Variants in CALCRL observed in about 807,000 individuals in gnomAD.
The protein encoded by CALCRL is calcitonin gene-related peptide type 1 receptor.
CALCRL carries 27 observed loss-of-function variants against 60.4 expected under a neutral mutation model. The ratio of observed to expected loss-of-function variants is 0.45; its 90% CI spans 0.33 to 0.62. The LOEUF (loss-of-function observed/expected upper bound fraction) is 0.62, where lower values mean the gene tolerates loss of function less well. Among genes scored for constraint, CALCRL ranks in the 20% least tolerant of loss-of-function variants. The pLI, the probability that CALCRL is intolerant of heterozygous loss-of-function variation, is 0.03. For synonymous variants in CALCRL, 190 were observed against 182.6 expected, an observed-to-expected ratio of 1.04 and a Z score of -0.33; for missense variants, 424 against 540.7, an observed-to-expected ratio of 0.78 and a Z score of 2.14.
intron 1 of CALCRL, among the ~76,000 whole-genome samples, chr2:187,437,116 T>C (rs1028714022): frequency 2.6e-5 from 4 of 152,218 alleles, no homozygotes; most frequent in South Asian, 2.1e-4. Flanking sequence ...AGCCTTCACA[T>C]TGCATTTGTA....
chr2:187,420,808 A>G (rs1689839874), intron 1 of CALCRL, among the ~76,000 whole-genome samples: 1 of 152,194 alleles, frequency 6.6e-6, no homozygotes, highest in Admixed American at 6.5e-5. Flanking sequence ...GTAATAATCC[A>G]TATCTAGAGT....
intron 1 of CALCRL, among the ~76,000 whole-genome samples, chr2:187,437,007 G>A (rs1690672889): frequency 6.6e-6 from 1 of 152,004 alleles, no homozygotes; most frequent in Non-Finnish European, 1.5e-5. Context: ...TTCTTTAGTT[G>A]AGAATTTTGT....
intron 14 of CALCRL, among the ~76,000 whole-genome samples, chr2:187,349,469 G>C (rs1281164355): frequency 6.6e-6 from 1 of 151,616 alleles, no homozygotes; most frequent in African/African-American, 2.4e-5. Flanking sequence ...AAATGAATTT[G>C]GCAGTTGTTT....
At chr2:187,446,733 T>C (rs753983895) in intron 1 of CALCRL, among the ~76,000 whole-genome samples, 2 of 151,692 alleles carry the variant, frequency 1.3e-5, no homozygotes, top group African/African-American at 4.8e-5. Flanking sequence ...CAACTGAAGA[T>C]TGAAAAGAGA....
At position 187,412,833 on chromosome 2, in the gene CALCRL, T is replaced by C. The variant is rs375619037; in HGVS notation, c.-292-25077A>G. ...ACATCTCAAAATATTTGTCCTTTGGTGACTAATTCCACATATATCAATAAC... is the reference window on the plus strand; with the variant it reads ...ACATCTCAAAATATTTGTCCTTTGGCGACTAATTCCACATATATCAATAAC... On this transcript the variant is annotated intron_variant, in intron 1 of 14. Transcript: ENST00000392370. Among the ~76,000 whole-genome samples the C allele has an allele frequency of 2.7e-3, 408 of 152,318 alleles. 4 individuals carry two copies. Among genetic ancestry groups the C allele is most frequent in the African/African-American group, 9.3e-3 (386 of 41,584 alleles).
chr2:187,445,652 C>T (rs1020735919), intron 1 of CALCRL, among the ~76,000 whole-genome samples: 1 of 151,382 alleles, frequency 6.6e-6, no homozygotes, highest in African/African-American at 2.4e-5. Flanking sequence ...TTATCAAATA[C>T]TTTGTCCACA....
chr2:187,368,378 CTCAA>C (rs1215653122), intron 8 of CALCRL, among the ~76,000 whole-genome samples: 2 of 151,996 alleles, frequency 1.3e-5, no homozygotes, highest in Admixed American at 6.6e-5. Flanking sequence ...TTTTAAGTAA[CTCAA>C]TCAAACAGAA....
At chr2:187,431,522 G>A (rs1157860832) in intron 1 of CALCRL, among the ~76,000 whole-genome samples, 3 of 152,034 alleles carry the variant, frequency 2.0e-5, no homozygotes, top group Non-Finnish European at 4.4e-5. Context: ...AAGTTGGGAG[G>A]AGACATACCA....
At chr2:187,423,609 T>TTG (rs754996440) in intron 1 of CALCRL, among the ~76,000 whole-genome samples, 15 of 152,002 alleles carry the variant, frequency 9.9e-5, no homozygotes, top group Non-Finnish European at 2.1e-4. Context: ...TATTTTGCAA[T>TTG]TGTGTGTGTG....
At chr2:187,382,850 A>C (rs1004473576) in intron 5 of CALCRL, among the ~76,000 whole-genome samples, 2 of 152,108 alleles carry the variant, frequency 1.3e-5, no homozygotes, top group Admixed American at 1.3e-4. Flanking sequence ...AAAAAGAAAT[A>C]CACAATTACA....
At position 187,342,788 on chromosome 2, in the gene CALCRL, A is replaced by G. The variant is rs575951170; in HGVS notation, c.*3396T>C. On this transcript the variant is annotated 3_prime_UTR_variant, in exon 15 of 15. Transcript: ENST00000392370. ...ATTTCAACATTTTTAATATTCTCATATAGTGTGATATTTTGAATTCTCCTT... is the reference window on the plus strand; with the variant it reads ...ATTTCAACATTTTTAATATTCTCATGTAGTGTGATATTTTGAATTCTCCTT... Among the ~76,000 whole-genome samples, 1 of 151,608 alleles carries G rather than the reference A, an allele frequency of 6.6e-6. No homozygotes were observed. The highest frequency in any genetic ancestry group is 1.5e-5 in the Non-Finnish European group (1 of 67,622).
At position 187,422,201 on chromosome 2, in the gene CALCRL, T is replaced by C. The variant is rs116557910; in HGVS notation, c.-293+25838A>G. Among the ~76,000 whole-genome samples the C allele has an allele frequency of 3.9e-3, 590 of 152,268 alleles. 6 individuals are homozygous for C. Among genetic ancestry groups the C allele is most frequent in the African/African-American group, 0.013 (558 of 41,552 alleles). On this transcript the variant is annotated intron_variant, in intron 1 of 14. Coordinates refer to ENST00000392370, the MANE Select transcript of CALCRL (RefSeq NM_005795.6). Reference sequence around the variant, plus strand: ...ATAAAAAATTAGTGTTTCTAGAAAATAGATATTTATATCTGTGTTCAGGCA... The same window carrying C: ...ATAAAAAATTAGTGTTTCTAGAAAACAGATATTTATATCTGTGTTCAGGCA...
intron 1 of CALCRL, among the ~76,000 whole-genome samples, chr2:187,402,430 T>TGTGA (rs141943814): frequency 0.027 from 4,085 of 151,688 alleles, 94 homozygotes; most frequent in African/African-American, 0.055. Context: ...AGTGTGTGTG[T>TGTGA]GTGTGTATGT....
At chr2:187,411,367 T>C (rs1689350818) in intron 1 of CALCRL, among the ~76,000 whole-genome samples, 1 of 152,162 alleles carries the variant, frequency 6.6e-6, no homozygotes, top group South Asian at 2.1e-4. Flanking sequence ...CTGCTACACC[T>C]AAAGAGTTTT....
At chr2:187,365,763 C>A (rs1374549601) in intron 8 of CALCRL, among the ~76,000 whole-genome samples, 1 of 152,114 alleles carries the variant, frequency 6.6e-6, no homozygotes. Context: ...ACGGATGCAA[C>A]TGGAGGACAC....
intron 1 of CALCRL, among the ~76,000 whole-genome samples, chr2:187,420,811 T>C (rs1689840075): frequency 6.6e-6 from 1 of 152,170 alleles, no homozygotes; most frequent in African/African-American, 2.4e-5. Flanking sequence ...ATAATCCATA[T>C]CTAGAGTTTT....
At chr2:187,413,476 C>T (rs17464221) in intron 1 of CALCRL, among the ~76,000 whole-genome samples, 34,152 of 151,962 alleles carry the variant, frequency 0.22, 4,837 homozygotes, top group Middle Eastern at 0.4. Context: ...TCTTCCCTCC[C>T]ATATGAGAAA....
In CALCRL at chr2:187,394,409, T is replaced by C. The variant is rs570270330; in HGVS notation, c.-292-6653A>G. Among the ~76,000 whole-genome samples the C allele has an allele frequency of 2.6e-5, 4 of 152,216 alleles. No homozygotes were observed. The South Asian group carries it at 8.3e-4, about 32-fold the overall frequency. ...AGAACTGACCAATAGAACTGTGAGA[T>C]AGATAGTAAATAAATGTTGTTTTAA... On this transcript the variant is annotated intron_variant, in intron 1 of 14. Coordinates refer to ENST00000392370, the MANE Select transcript of CALCRL (RefSeq NM_005795.6).
At chr2:187,372,516 G>A (rs1288510920) in intron 8 of CALCRL, among the ~76,000 whole-genome samples, 1 of 151,876 alleles carries the variant, frequency 6.6e-6, no homozygotes, top group Non-Finnish European at 1.5e-5. Flanking sequence ...AAGTATATCT[G>A]GTGAATACTG....
Sources: gnomAD v4.1 joint callset for allele counts (sites outside exome capture counted in the v4.1 genomes callset) on GRCh38, gnomAD v4.1.1 for gene constraint, MANE v1.5 for transcripts, NCBI Gene and HGNC (gene_info 2026-07-23, HGNC 2026-07-21) for gene names.